Variants in EXOC1 observed in about 807,000 individuals in gnomAD.
EXOC1 encodes the protein exocyst complex component 1.
A neutral mutation model predicts 107.7 loss-of-function variants in EXOC1; 67 were observed. That is an observed-to-expected ratio of 0.62 (90% CI 0.51 to 0.76). EXOC1 has a LOEUF of 0.76. Among genes scored for constraint, EXOC1 ranks in the 30% least tolerant of loss-of-function variants. The pLI, the probability that EXOC1 is intolerant of heterozygous loss-of-function variation, is 0.00. For missense variants in EXOC1, 833 were observed against 1,055.7 expected (o/e 0.79, Z 2.92); for synonymous variants, 348 against 353.5 (o/e 0.98, Z 0.17).
intron 1 of EXOC1, among the ~76,000 whole-genome samples, chr4:55,855,563 G>T (rs1465503560): frequency 6.6e-6 from 1 of 152,164 alleles, no homozygotes; most frequent in Non-Finnish European, 1.5e-5. Context: ...AATACAGCTA[G>T]CTAGAAAATA....
intron 17 of EXOC1, among the ~76,000 whole-genome samples, chr4:55,901,856 T>C (rs928071910): frequency 2.0e-5 from 3 of 152,084 alleles, no homozygotes; most frequent in Non-Finnish European, 4.4e-5. Flanking sequence ...AACAGAGTAA[T>C]TATAGTCCTG....
intron 15 of EXOC1, among the ~76,000 whole-genome samples, chr4:55,894,436 C>G (rs903841004): frequency 2.0e-5 from 3 of 150,510 alleles, no homozygotes; most frequent in Non-Finnish European, 4.4e-5. Flanking sequence ...TGTTATTGTT[C>G]TTCTTTTAAT....
intron 9 of EXOC1, among the ~76,000 whole-genome samples, chr4:55,879,957 T>C (rs916541291): frequency 6.6e-6 from 1 of 152,132 alleles, no homozygotes; most frequent in African/African-American, 2.4e-5. Flanking sequence ...AATAATGATA[T>C]GTTTTGTCTC....
In EXOC1 at chr4:55,904,734, C is replaced by T; in HGVS notation, c.*239C>T. The T allele has an allele frequency of 3.0e-6, 1 of 333,398 alleles. No individual in the cohort carries two copies. 20.7% of individuals were successfully genotyped at this position (333,398 alleles called of 1,614,324 possible). A position where few individuals can be genotyped will look rare whatever the true frequency, so the allele number is the denominator to read the frequency against. ...TAAGCATTCATGTCACCATAAAATG[C>T]CTTTAGCATTTCTCAATGACTGGAT... On this transcript the variant is annotated 3_prime_UTR_variant, in exon 19 of 19. Transcript: ENST00000381295.
intron 17 of EXOC1, among the ~76,000 whole-genome samples, chr4:55,901,652 A>G (rs1725935940): frequency 1.3e-5 from 2 of 152,160 alleles, no homozygotes; most frequent in South Asian, 4.1e-4. Context: ...TTATAGCCAA[A>G]GAATTATAAA....
rs1040410082 is a variant in EXOC1 at position 55,904,857 on chromosome 4, T to C, written c.*362T>C. The C allele has an allele frequency of 6.0e-6, 1 of 166,392 alleles. No homozygotes were observed. Among genetic ancestry groups the C allele is most frequent in the African/African-American group, 2.4e-5 (1 of 42,050 alleles). 10.3% of individuals were successfully genotyped at this position (166,392 alleles called of 1,614,324 possible). ...TCAGCTTTCACTACTTCTCTGTTGC[T>C]TGCTAATCATGTAACTACTAAAATA... On this transcript the variant is annotated 3_prime_UTR_variant, in exon 19 of 19. Transcript: ENST00000381295.
chr4:55,883,243 T>A (rs1723574949), intron 9 of EXOC1: 1 of 152,208 alleles, frequency 6.6e-6, no homozygotes, highest in Non-Finnish European at 1.5e-5. Context: ...ATTGACACTA[T>A]TTATTATTGG....
Position 55,870,846 on chromosome 4 carries a change from C to T in EXOC1, c.772C>T (p.Leu258=), listed in dbSNP as rs1234429853. The T allele has an allele frequency of 1.2e-6, 2 of 1,613,670 alleles. No individual in the cohort carries two copies. Among genetic ancestry groups the T allele is most frequent in the African/African-American group, 1.3e-5 (1 of 74,860 alleles). The change falls in exon 6 of 19, where the codon CTA becomes TTA. Residue 258 remains leucine, a synonymous_variant. Transcript: ENST00000381295. ...QMDQISESNH[L]IHLSNTNNVK... is the part of the protein sequence containing the mutation. Reference sequence around the variant, plus strand: ...GGATCAGATCTCTGAAAGCAACCACCTAATTCATCTTAGTAACACTAATAA... The same window carrying T: ...GGATCAGATCTCTGAAAGCAACCACTTAATTCATCTTAGTAACACTAATAA...
chr4:55,859,280 T>G (rs1159913431), intron 2 of EXOC1, among the ~76,000 whole-genome samples: 1 of 152,136 alleles, frequency 6.6e-6, no homozygotes, highest in African/African-American at 2.4e-5. Flanking sequence ...AGTTCTCTAT[T>G]TATCTAGGTG....
rs1034378326 is a variant in EXOC1, at chr4:55,891,253, G to C, written c.1540-62G>C. ...TGTGCAGAAAAGAAAATTAAATGTG[G>C]AGTGTTATTTTAAGCATTTGGTGCA... On this transcript the variant is annotated intron_variant, in intron 12 of 18. Coordinates refer to ENST00000381295, the MANE Select transcript of EXOC1 (RefSeq NM_001024924.2). 22 of 961,122 alleles carry C rather than the reference G, an allele frequency of 2.3e-5. 1 individual carries two copies. In the Admixed American group the frequency reaches 3.9e-4, roughly 17 times the overall value. 59.5% of individuals were successfully genotyped at this position (961,122 alleles called of 1,614,324 possible).
At chr4:55,888,838 G>T in intron 10 of EXOC1, 50 bp from the exon 11 acceptor site, 1 of 1,604,366 alleles carries the variant, frequency 6.2e-7, no homozygotes, top group Non-Finnish European at 8.5e-7. Context: ...GCAAATTGCA[G>T]TTTATTAACT....
intron 10 of EXOC1, among the ~76,000 whole-genome samples, chr4:55,886,825 A>G (rs1723936419): frequency 6.6e-6 from 1 of 152,158 alleles, no homozygotes; most frequent in Non-Finnish European, 1.5e-5. Context: ...AAAAGAAACT[A>G]TATAGTCAAT....
rs7671338 is a variant in EXOC1 at position 55,867,995 on chromosome 4, C to T, written c.416-341C>T. Among the ~76,000 whole-genome samples the T allele has an allele frequency of 9.0e-3, 1,364 of 152,136 alleles. 15 individuals carry two copies. The highest frequency in any genetic ancestry group is 0.025 in the African/African-American group (1,058 of 41,504). On this transcript the variant is annotated intron_variant, in intron 4 of 18. Coordinates refer to ENST00000381295, the MANE Select transcript of EXOC1 (RefSeq NM_001024924.2). ...GTTAGAGCAACAGCCACATCAGGTACGAAAAAATGTTTAGGTTTGTTCCCA... is the reference window on the plus strand; with the variant it reads ...GTTAGAGCAACAGCCACATCAGGTATGAAAAAATGTTTAGGTTTGTTCCCA...
At chr4:55,872,261 C>T (rs569747706) in intron 8 of EXOC1, among the ~76,000 whole-genome samples, 254 of 152,172 alleles carry the variant, frequency 1.7e-3, no homozygotes, top group Non-Finnish European at 3.0e-3. Context: ...TAAGTCCAAA[C>T]TTGTTAGATA....
Position 55,904,409 on chromosome 4 carries a change from C to T in EXOC1, c.2599C>T (p.Arg867Cys), listed in dbSNP as rs546749405. 7.4e-6 allele frequency: 12 copies of T among 1,612,342 alleles called. No individual in the cohort carries two copies. Among genetic ancestry groups the T allele is most frequent in the Non-Finnish European group, 1.0e-5 (12 of 1,179,588 alleles). ...QYKHFEGLIA[R>C]CYPGSGVTME... ...TAAGCACTTTGAAGGTTTGATAGCTCGCTGTTATCCTGGATCTGGTGTTAC... is the reference window on the plus strand; with the variant it reads ...TAAGCACTTTGAAGGTTTGATAGCTTGCTGTTATCCTGGATCTGGTGTTAC... Residue 867 changes from arginine (R) to cysteine (C), a missense_variant, in exon 19 of 19, where the codon CGC (arginine) becomes TGC (cysteine). Arg to Cys is a radical substitution (Grantham distance 180). Transcript: ENST00000381295.
chr4:55,875,879 G>A (rs911441824), intron 8 of EXOC1: 1 of 898,186 alleles, frequency 1.1e-6, no homozygotes, highest in Non-Finnish European at 1.3e-6. Context: ...AACCTGGGCA[G>A]CATAGTAAGA....
intron 4 of EXOC1, among the ~76,000 whole-genome samples, chr4:55,865,510 C>G (rs1215254736): frequency 6.6e-6 from 1 of 152,122 alleles, no homozygotes; most frequent in Non-Finnish European, 1.5e-5. Context: ...GAGGGAATGA[C>G]CTTCAAGAAA....
chr4:55,899,392 A>T (rs756224480), intron 16 of EXOC1, among the ~76,000 whole-genome samples: 1 of 152,150 alleles, frequency 6.6e-6, no homozygotes, highest in Non-Finnish European at 1.5e-5. Context: ...ATATATTAAA[A>T]TGGTCCAGCC....
At chr4:55,890,144 T>C (rs1242544018) in intron 11 of EXOC1, 79 bp from the exon 12 acceptor site, 8 of 1,393,808 alleles carry the variant, frequency 5.7e-6, no homozygotes, top group South Asian at 2.5e-5. Context: ...CAGTAGAAGA[T>C]AGAAGATCTA....
Sources: gnomAD v4.1 joint callset for allele counts (sites outside exome capture counted in the v4.1 genomes callset) on GRCh38, gnomAD v4.1.1 for gene constraint, MANE v1.5 for transcripts, NCBI Gene and HGNC (gene_info 2026-07-23, HGNC 2026-07-21) for gene names.